The following DPYD variants were observed in gnomAD, a reference collection of about 807,000 sequenced individuals.
The protein encoded by DPYD is dihydropyrimidine dehydrogenase, also known as dihydropyrimidine dehydrogenase [NADP(+)].
A neutral mutation model predicts 116.2 loss-of-function variants in DPYD; 109 were observed. The ratio of observed to expected loss-of-function variants is 0.94; its 90% CI spans 0.80 to 1.10. DPYD has a LOEUF of 1.10. Ranked by LOEUF, DPYD falls within the 50% of genes least tolerant of loss-of-function variation. The pLI is 0.00. For synonymous variants in DPYD, 440 were observed against 432.0 expected, an observed-to-expected ratio of 1.02 and a Z score of -0.23; for missense variants, 1,302 against 1,254.5, an observed-to-expected ratio of 1.04 and a Z score of -0.57.
intron 19 of DPYD, among the ~76,000 whole-genome samples, chr1:97,201,780 T>G (rs1444213108): frequency 6.6e-6 from 1 of 152,014 alleles, no homozygotes; most frequent in African/African-American, 2.4e-5. Context: ...AAAGTGAGAG[T>G]TTCTAAGTAG....
chr1:97,337,879 G>A (rs952277894), intron 16 of DPYD, among the ~76,000 whole-genome samples: 1 of 152,182 alleles, frequency 6.6e-6, no homozygotes, highest in Non-Finnish European at 1.5e-5. Context: ...ACCTGAAGCT[G>A]TGGCACTCAG....
intron 21 of DPYD, among the ~76,000 whole-genome samples, chr1:97,087,076 C>T (rs1490383245): frequency 6.6e-6 from 1 of 152,152 alleles, no homozygotes; most frequent in African/African-American, 2.4e-5. Context: ...TTAACTTCTT[C>T]CTTTACTAAT....
At chr1:97,343,378 TCTGGTCC>T (rs1242795395) in intron 16 of DPYD, among the ~76,000 whole-genome samples, 2 of 152,152 alleles carry the variant, frequency 1.3e-5, no homozygotes, top group Admixed American at 1.3e-4. Flanking sequence ...TATGAGGGTC[TCTGGTCC>T]CTAGGTTGCA....
intron 18 of DPYD, among the ~76,000 whole-genome samples, chr1:97,291,588 C>CA (rs1666176810): frequency 1.3e-5 from 2 of 150,020 alleles, no homozygotes; most frequent in African/African-American, 2.5e-5. Flanking sequence ...ATCGCAAGGA[C>CA]AAAAAACCAA....
chr1:97,488,144 G>C (rs1370832373), intron 13 of DPYD, among the ~76,000 whole-genome samples: 1 of 151,496 alleles, frequency 6.6e-6, no homozygotes, highest in Non-Finnish European at 1.5e-5. Flanking sequence ...TGCATCTCAA[G>C]GGTATGATGC....
At chr1:97,567,953 T>C (rs1652646177) in intron 11 of DPYD, among the ~76,000 whole-genome samples, 1 of 152,098 alleles carries the variant, frequency 6.6e-6, no homozygotes, top group Admixed American at 6.6e-5. Flanking sequence ...ACACGTGCCA[T>C]GTTGGTGCGC....
intron 12 of DPYD, among the ~76,000 whole-genome samples, chr1:97,539,636 T>C (rs1024950967): frequency 2.0e-5 from 3 of 152,148 alleles, no homozygotes; most frequent in African/African-American, 7.2e-5. Flanking sequence ...AATAAAAGAA[T>C]AATGACACGG....
intron 3 of DPYD, among the ~76,000 whole-genome samples, chr1:97,744,588 T>C (rs1404993058): frequency 1.3e-5 from 2 of 152,062 alleles, no homozygotes; most frequent in African/African-American, 4.8e-5. Context: ...TTAATCTATA[T>C]ATAATGGCAT....
intron 10 of DPYD, among the ~76,000 whole-genome samples, chr1:97,583,062 G>A (rs2102217205): frequency 6.6e-6 from 1 of 152,066 alleles, no homozygotes; most frequent in South Asian, 2.1e-4. Context: ...TCTGCCTCCC[G>A]GGTTCACGCC....
intron 20 of DPYD, among the ~76,000 whole-genome samples, chr1:97,134,136 T>C (rs1220614946): frequency 6.8e-6 from 1 of 148,046 alleles, no homozygotes; most frequent in Non-Finnish European, 1.5e-5. Flanking sequence ...GATAATAATG[T>C]CTTTATCTTT....
At chr1:97,813,806 G>T (rs1668440499) in intron 3 of DPYD, among the ~76,000 whole-genome samples, 1 of 151,932 alleles carries the variant, frequency 6.6e-6, no homozygotes, top group South Asian at 2.1e-4. Context: ...ATAATTTCAT[G>T]ATATCTATTA....
At chr1:97,602,586 T>C (rs181402146) in intron 8 of DPYD, among the ~76,000 whole-genome samples, 2 of 152,076 alleles carry the variant, frequency 1.3e-5, no homozygotes, top group East Asian at 3.9e-4. Flanking sequence ...TCTCATACTT[T>C]TTACTTCCTT....
At chr1:97,809,631 G>A (rs1364100433) in intron 3 of DPYD, among the ~76,000 whole-genome samples, 1 of 152,172 alleles carries the variant, frequency 6.6e-6, no homozygotes, top group Non-Finnish European at 1.5e-5. Context: ...TGAACTACAA[G>A]ACAAATCAGT....
chr1:97,193,183 G>T lies in DPYD; in HGVS notation c.2508C>A (p.Ala836=), dbSNP rs1297961958. 1 of 1,613,930 alleles carries T rather than the reference G, an allele frequency of 6.2e-7. No individual in the cohort carries two copies. Among genetic ancestry groups the T allele is most frequent in the Non-Finnish European group, 8.5e-7 (1 of 1,179,924 alleles). The stretch of plus-strand genomic sequence containing the variant: ...CTTCAATGCTTTTCAGATAAAGCAG[G>T]GCTTTGAGGCCAGTGCAGTAGTCTT... ...VIEDYCTGLK[A]LLYLKSIEEL... Residue 836 remains alanine, a synonymous_variant, in exon 20 of 23, where the codon GCC becomes GCA. Transcript: ENST00000370192.
chr1:97,490,441 G>A (rs1371259327), intron 13 of DPYD, among the ~76,000 whole-genome samples: 1 of 145,506 alleles, frequency 6.9e-6, no homozygotes, highest in African/African-American at 2.5e-5. Flanking sequence ...AATTGTATAA[G>A]TATTATATAA....
At position 97,156,477 on chromosome 1, in the gene DPYD, A is replaced by G. The variant is rs552731744; in HGVS notation, c.2622+36592T>C. On this transcript the variant is annotated intron_variant, in intron 20 of 22. Coordinates refer to ENST00000370192, the MANE Select transcript of DPYD (RefSeq NM_000110.4). ...CAAAGGACATGAACAGACACTTCTCAAAAGAAGACATTTATGCAGCCAAAA... is the reference window on the plus strand; with the variant it reads ...CAAAGGACATGAACAGACACTTCTCGAAAGAAGACATTTATGCAGCCAAAA... Among the ~76,000 whole-genome samples the G allele has an allele frequency of 2.6e-5, 4 of 152,334 alleles. No individual in the cohort carries two copies. In the South Asian group the frequency reaches 8.3e-4, roughly 32 times the overall value.
chr1:97,257,435 G>GTATATATATATATATA (rs60425146), intron 18 of DPYD, among the ~76,000 whole-genome samples: 4 of 136,140 alleles, frequency 2.9e-5, no homozygotes, highest in African/African-American at 1.2e-4. Flanking sequence ...ATATACATAC[G>GTATATATATATATATA]TATATATATA....
At chr1:97,840,212 T>C (rs1013703055) in intron 2 of DPYD, among the ~76,000 whole-genome samples, 12 of 151,996 alleles carry the variant, frequency 7.9e-5, no homozygotes, top group African/African-American at 2.7e-4. Flanking sequence ...AATAAAGTAT[T>C]GAAAATTATA....
chr1:97,482,114 A>G (rs1195832941), intron 13 of DPYD, among the ~76,000 whole-genome samples: 1 of 152,212 alleles, frequency 6.6e-6, no homozygotes, highest in Non-Finnish European at 1.5e-5. Context: ...ACAATTGAAC[A>G]AGCGTAGTGC....
Sources: allele counts gnomAD v4.1 joint callset (sites outside exome capture counted in the v4.1 genomes callset), GRCh38; gene constraint gnomAD v4.1.1; transcripts MANE v1.5; gene names NCBI Gene and HGNC (gene_info 2026-07-23, HGNC 2026-07-21).